ERO1A: variants seen among roughly 807,000 people sequenced by gnomAD.
ERO1A encodes ERO1-like protein alpha.
Under a neutral mutation model 76.9 loss-of-function variants are expected in ERO1A, and 49 were observed. The observed-to-expected ratio is 0.64, with a 90% CI of 0.51 to 0.81. ERO1A has a LOEUF of 0.81. ERO1A is among the 30% of genes least tolerant of loss of function. The pLI, the probability that ERO1A is intolerant of heterozygous loss-of-function variation, is 0.00. For missense variants in ERO1A, 448 were observed against 542.1 expected (o/e 0.83, Z 1.72); for synonymous variants, 174 against 181.2 (o/e 0.96, Z 0.32).
In ERO1A at chr14:52,644,920, A is replaced by G. The variant is rs796968519; in HGVS notation, c.1346+1234T>C. 1.6e-4 allele frequency among the ~76,000 whole-genome samples: 24 copies of G among 152,326 alleles called. 1 individual carries two copies. Among genetic ancestry groups the G allele is most frequent in the African/African-American group, 5.8e-4 (24 of 41,586 alleles). The stretch of plus-strand genomic sequence containing the variant: ...CAATTATTTCAAGCCCAAAATTGTA[A>G]TATTTTTTAAATGAGGAAATGTAGT... On this transcript the variant is annotated intron_variant, in intron 15 of 15. Coordinates refer to ENST00000395686, the MANE Select transcript of ERO1A (RefSeq NM_014584.3).
chr14:52,677,077 G>A (rs184344662), intron 4 of ERO1A, among the ~76,000 whole-genome samples: 1 of 152,118 alleles, frequency 6.6e-6, no homozygotes, highest in Admixed American at 6.6e-5. Context: ...TGCTTTATAG[G>A]GGCTTTGGCC....
At position 52,646,391 on chromosome 14, in the gene ERO1A, AGAC is replaced by A. The variant is rs1246722727; in HGVS notation, c.1193_1195del (p.Arg398del). On this transcript the variant is annotated inframe_deletion, in exon 14 of 16. Transcript: ENST00000395686. ...TTTGCTTACCTGAAGCTTTCCCCAC[AGAC>A]GACATTTAAAACAACCAACACAATC... is the stretch of plus-strand genomic sequence containing the variant. 1.2e-6 allele frequency: 2 copies of A among 1,613,416 alleles called. No homozygotes were observed. Among genetic ancestry groups the A allele is most frequent in the South Asian group, 1.1e-5 (1 of 90,888 alleles).
intron 7 of ERO1A, among the ~76,000 whole-genome samples, chr14:52,664,457 AT>A (rs2040335479): frequency 6.6e-6 from 1 of 152,202 alleles, no homozygotes. Context: ...ATAGTAAACT[AT>A]AGGGATTGTT....
At chr14:52,664,402 C>T (rs898453950) in intron 7 of ERO1A, among the ~76,000 whole-genome samples, 5 of 152,070 alleles carry the variant, frequency 3.3e-5, no homozygotes, top group African/African-American at 1.2e-4. Flanking sequence ...GTTACTATGT[C>T]ATTAAAGTGC....
intron 1 of ERO1A, among the ~76,000 whole-genome samples, chr14:52,691,998 T>G (rs1308204895): frequency 6.6e-6 from 1 of 152,222 alleles, no homozygotes; most frequent in African/African-American, 2.4e-5. Context: ...TGATATCAAC[T>G]AACAGGCATA....
intron 1 of ERO1A, among the ~76,000 whole-genome samples, chr14:52,686,987 T>C (rs2041198482): frequency 6.6e-6 from 1 of 152,082 alleles, no homozygotes; most frequent in Admixed American, 6.5e-5. Context: ...GGAGTTTCAA[T>C]GGATGAAGAC....
chr14:52,664,101 A>C (rs1195763626), intron 7 of ERO1A: 1 of 291,994 alleles, frequency 3.4e-6, no homozygotes, highest in Non-Finnish European at 6.5e-6. Flanking sequence ...AAGAAGAGAA[A>C]ATATCAGCCA....
At chr14:52,677,242 T>C (rs1162570132) in intron 4 of ERO1A, among the ~76,000 whole-genome samples, 2 of 152,166 alleles carry the variant, frequency 1.3e-5, no homozygotes, top group African/African-American at 4.8e-5. Flanking sequence ...AGCTTTAAGA[T>C]GAATGTATAA....
At chr14:52,684,877 A>T (rs1335079850) in intron 1 of ERO1A, among the ~76,000 whole-genome samples, 2 of 152,148 alleles carry the variant, frequency 1.3e-5, no homozygotes, top group African/African-American at 2.4e-5. Context: ...CTAGAAAAAC[A>T]TCTAATAGAA....
chr14:52,645,628 G>A (rs143054512), intron 15 of ERO1A, among the ~76,000 whole-genome samples: 4 of 152,000 alleles, frequency 2.6e-5, no homozygotes, highest in Admixed American at 1.3e-4. Context: ...AAATAAAGAC[G>A]ATCATGTACT....
intron 13 of ERO1A, among the ~76,000 whole-genome samples, chr14:52,651,033 C>G (rs551096121): frequency 1.5e-4 from 22 of 149,418 alleles, no homozygotes; most frequent in African/African-American, 5.2e-4. Context: ...CTTTGGAAGG[C>G]TGAGGTGGGA....
chr14:52,647,820 T>C (rs546913660), intron 13 of ERO1A, among the ~76,000 whole-genome samples: 38 of 152,310 alleles, frequency 2.5e-4, no homozygotes, highest in Non-Finnish European at 4.7e-4. Flanking sequence ...ACATCTCAGA[T>C]AGAACATCCA....
chr14:52,694,903 G>A (rs978849362), intron 1 of ERO1A, among the ~76,000 whole-genome samples: 1 of 152,140 alleles, frequency 6.6e-6, no homozygotes, highest in African/African-American at 2.4e-5. Context: ...CCATTCTTCC[G>A]CCTAACATCG....
At chr14:52,651,532 A>G (rs969166170) in intron 13 of ERO1A, among the ~76,000 whole-genome samples, 1 of 148,202 alleles carries the variant, frequency 6.7e-6, no homozygotes, top group African/African-American at 2.5e-5. Flanking sequence ...AATATAATGC[A>G]AAATAGACTT....
intron 4 of ERO1A, 58 bp downstream of exon 4, chr14:52,678,376 T>A: frequency 7.0e-7 from 1 of 1,419,038 alleles, no homozygotes; most frequent in Non-Finnish European, 9.9e-7. Context: ...ACAACGGAAA[T>A]GGGTTTTTCA....
chr14:52,676,875 C>CA (rs150557631), intron 4 of ERO1A, among the ~76,000 whole-genome samples: 59,576 of 133,524 alleles, frequency 0.45, 13,293 homozygotes, highest in Middle Eastern at 0.57. Context: ...CTATCTACCC[C>CA]AAAAAAAAAA....
intron 2 of ERO1A, among the ~76,000 whole-genome samples, 192 bp from the exon 3 acceptor site, chr14:52,682,600 T>C (rs1276901070): frequency 6.6e-6 from 1 of 152,140 alleles, no homozygotes; most frequent in Non-Finnish European, 1.5e-5. Flanking sequence ...TAGACTTGGT[T>C]AGAAAGACAC....
intron 14 of ERO1A, 41 bp from the exon 15 acceptor site, chr14:52,646,328 T>C: frequency 6.2e-7 from 1 of 1,600,236 alleles, no homozygotes; most frequent in Non-Finnish European, 8.5e-7. Flanking sequence ...TAGAAAATTA[T>C]TCATGCAAAG....
chr14:52,658,368 G>GCATT, intron 9 of ERO1A: 1 of 499,018 alleles, frequency 2.0e-6, no homozygotes. Context: ...AAAGGCTTTA[G>GCATT]CATTGCCTTA....
Sources: allele counts gnomAD v4.1 joint callset (sites outside exome capture counted in the v4.1 genomes callset), GRCh38; gene constraint gnomAD v4.1.1; transcripts MANE v1.5; gene names NCBI Gene and HGNC (gene_info 2026-07-23, HGNC 2026-07-21).